Variants in CD247 observed in about 807,000 individuals in gnomAD.
CD247 encodes the protein CD247 molecule.
In CD247, 13 loss-of-function variants were observed where a neutral mutation model predicts 30.0. The observed-to-expected ratio is 0.43, with a 90% CI of 0.28 to 0.69. The LOEUF (loss-of-function observed/expected upper bound fraction) is 0.69. CD247 is among the 30% of genes least tolerant of loss of function. The pLI is 0.16. For synonymous variants in CD247, 72 were observed against 80.0 expected, an observed-to-expected ratio of 0.90 and a Z score of 0.53; for missense variants, 193 against 212.6, an observed-to-expected ratio of 0.91 and a Z score of 0.57.
chr1:167,475,041 C>T (rs770451329), intron 1 of CD247, among the ~76,000 whole-genome samples: 1 of 152,030 alleles, frequency 6.6e-6, no homozygotes, highest in Non-Finnish European at 1.5e-5. Context: ...TGTGAGCCAC[C>T]GCACCCGGCA....
chr1:167,439,596 T>C, intron 2 of CD247, 196 bp from the exon 3 acceptor site: 1 of 601,260 alleles, frequency 1.7e-6, no homozygotes, highest in Non-Finnish European at 3.0e-6. Flanking sequence ...AGTTGTCCTT[T>C]TTCCTCCCGC....
chr1:167,455,379 G>T (rs1313184165), intron 1 of CD247, among the ~76,000 whole-genome samples: 2 of 152,170 alleles, frequency 1.3e-5, no homozygotes, highest in African/African-American at 4.8e-5. Flanking sequence ...CCAGGCGGCC[G>T]GGACCGCCGT....
chr1:167,440,772 G>T lies in CD247; in HGVS notation c.59-5C>A. 1 of 1,604,718 alleles carries T rather than the reference G, an allele frequency of 6.2e-7. No homozygotes were observed. The highest frequency in any genetic ancestry group is 8.5e-7 in the Non-Finnish European group (1 of 1,172,606). On this transcript the variant is annotated splice_region_variant and splice_polypyrimidine_tract_variant and intron_variant, in intron 1 of 7. Transcript: ENST00000362089. Reference sequence around the variant, plus strand: ...GCAGGCCAAAGCTCTGTGCCTCTGTGCCAAGAGATAAAGCTGGTCAGCCAG... The same window carrying T: ...GCAGGCCAAAGCTCTGTGCCTCTGTTCCAAGAGATAAAGCTGGTCAGCCAG...
chr1:167,439,287 G>A, intron 3 of CD247, 57 bp downstream of exon 3: 1 of 1,515,734 alleles, frequency 6.6e-7, no homozygotes, highest in Non-Finnish European at 9.2e-7. Context: ...GCGTTCCCTA[G>A]GTCCGAGGAG....
intron 6 of CD247, 30 bp from the exon 7 acceptor site, chr1:167,433,089 G>A (rs371723822): frequency 5.0e-6 from 8 of 1,613,630 alleles, no homozygotes; most frequent in South Asian, 2.2e-5. Context: ...ATGAGAAAAG[G>A]ATTAGAAAGT....
At chr1:167,491,811 C>T (rs1399064822) in intron 1 of CD247, among the ~76,000 whole-genome samples, 1 of 152,202 alleles carries the variant, frequency 6.6e-6, no homozygotes, top group Non-Finnish European at 1.5e-5. Context: ...AATTCAGACA[C>T]ATGCTACCAC....
chr1:167,431,801 G>A, intron 7 of CD247, 55 bp from the exon 8 acceptor site: 3 of 1,506,326 alleles, frequency 2.0e-6, no homozygotes, highest in Non-Finnish European at 2.8e-6. Context: ...TGTGTGGGCA[G>A]GAGCCAACCC....
intron 1 of CD247, among the ~76,000 whole-genome samples, chr1:167,449,827 G>A (rs1652272390): frequency 6.6e-6 from 1 of 152,076 alleles, no homozygotes. Flanking sequence ...GGAGGCTGAG[G>A]CAGGAGAATC....
chr1:167,449,522 A>C (rs1292724822), intron 1 of CD247, among the ~76,000 whole-genome samples: 1 of 152,204 alleles, frequency 6.6e-6, no homozygotes, highest in Admixed American at 6.5e-5. Flanking sequence ...AAGTAGGAAA[A>C]AATCAGAATT....
chr1:167,460,153 G>A (rs1029464052), intron 1 of CD247, among the ~76,000 whole-genome samples: 2 of 152,178 alleles, frequency 1.3e-5, no homozygotes, highest in African/African-American at 2.4e-5. Context: ...TGTAATCCCA[G>A]CACTTTGGGA....
intron 1 of CD247, among the ~76,000 whole-genome samples, chr1:167,486,592 C>G (rs1190760550): frequency 2.0e-5 from 3 of 152,364 alleles, no homozygotes; most frequent in East Asian, 1.9e-4. Flanking sequence ...ATGCCACTGA[C>G]GGCAAGCAGA....
Position 167,518,450 on chromosome 1 carries a change from G to T in CD247, c.16C>A (p.Leu6Ile), listed in dbSNP as rs1655713289. The change falls in exon 1 of 8, where the codon CTT (leucine) becomes ATT (isoleucine). Residue 6 changes from leucine (L) to isoleucine (I), a missense_variant. Transcript: ENST00000362089. Reference sequence around the variant, plus strand: ...GCCTGCAGGATGGCCGCGGTGAAAAGCGCCTTCCACTTCATCTTGTCCTTT... The same window carrying T: ...GCCTGCAGGATGGCCGCGGTGAAAATCGCCTTCCACTTCATCTTGTCCTTT... The part of the protein sequence containing the change: MKWKA[L>I]FTAAILQAQL... 1 of 1,614,054 alleles carries T rather than the reference G, an allele frequency of 6.2e-7. No individual in the cohort carries two copies. Among genetic ancestry groups the T allele is most frequent in the African/African-American group, 1.3e-5 (1 of 74,942 alleles).
At chr1:167,500,647 G>A (rs1054203600) in intron 1 of CD247, among the ~76,000 whole-genome samples, 3 of 152,152 alleles carry the variant, frequency 2.0e-5, no homozygotes, top group Non-Finnish European at 2.9e-5. Flanking sequence ...AATGAGCTAC[G>A]TATTGTGATG....
chr1:167,497,457 C>T (rs1654737339), intron 1 of CD247, among the ~76,000 whole-genome samples: 2 of 152,136 alleles, frequency 1.3e-5, no homozygotes, highest in Non-Finnish European at 2.9e-5. Flanking sequence ...AGTGAAATCG[C>T]TGACTACAGG....
At chr1:167,508,745 T>C (rs909832866) in intron 1 of CD247, among the ~76,000 whole-genome samples, 1 of 152,192 alleles carries the variant, frequency 6.6e-6, no homozygotes, top group Admixed American at 6.5e-5. Context: ...ATATGCTTCC[T>C]TTGCTACTAA....
chr1:167,491,363 G>T (rs771438763), intron 1 of CD247, among the ~76,000 whole-genome samples: 16 of 152,174 alleles, frequency 1.1e-4, no homozygotes, highest in Non-Finnish European at 2.1e-4. Flanking sequence ...GAGGTCGGGA[G>T]TTCGAGACCA....
At chr1:167,455,280 C>T (rs553793157) in intron 1 of CD247, among the ~76,000 whole-genome samples, 258 of 152,366 alleles carry the variant, frequency 1.7e-3, no homozygotes, top group African/African-American at 5.9e-3. Context: ...CCTGGCCTCC[C>T]CGCGTCCGGC....
chr1:167,476,866 C>A (rs1377032913), intron 1 of CD247, among the ~76,000 whole-genome samples: 1 of 152,132 alleles, frequency 6.6e-6, no homozygotes. Context: ...ATTCTAAGGG[C>A]TTTCTATGCA....
At chr1:167,440,489 C>T in intron 2 of CD247, 175 bp downstream of exon 2, 1 of 660,610 alleles carries the variant, frequency 1.5e-6, no homozygotes, top group African/African-American at 1.8e-5. Flanking sequence ...CAGCCAGACA[C>T]TGCCACCTCC....
Sources: allele counts gnomAD v4.1 joint callset (sites outside exome capture counted in the v4.1 genomes callset), GRCh38; gene constraint gnomAD v4.1.1; transcripts MANE v1.5; gene names NCBI Gene and HGNC (gene_info 2026-07-23, HGNC 2026-07-21).